DPP10: variants seen among roughly 807,000 people sequenced by gnomAD.
DPP10 encodes dipeptidyl peptidase like 10.
Under a neutral mutation model 120.9 loss-of-function variants are expected in DPP10, and 33 were observed. That is an observed-to-expected ratio of 0.27 (90% CI 0.21 to 0.37). The LOEUF (loss-of-function observed/expected upper bound fraction) is 0.37, where lower values mean the gene tolerates loss of function less well. Among genes scored for constraint, DPP10 ranks in the 10% least tolerant of loss-of-function variants. The pLI is 1.00. For missense variants in DPP10, 816 were observed against 942.8 expected, an observed-to-expected ratio of 0.87 and a Z score of 1.76; for synonymous variants, 337 against 326.1, an observed-to-expected ratio of 1.03 and a Z score of -0.36.
chr2:115,489,804 A>G (rs1179548360), intron 3 of DPP10, among the ~76,000 whole-genome samples: 2 of 152,084 alleles, frequency 1.3e-5, no homozygotes, highest in East Asian at 3.9e-4. Context: ...TAATGTAACC[A>G]GACCTTCCCT....
rs540557907 is a variant in DPP10 at position 115,777,456 on chromosome 2, A to G, written c.1313+157A>G. ...TAAAGACCTCTTCCACACTTCACAC[A>G]GAGACATCTTACACAGAGGGATGTG... On this transcript the variant is annotated intron_variant, in intron 14 of 25. Coordinates refer to ENST00000410059, the MANE Select transcript of DPP10 (RefSeq NM_020868.6). Among the ~76,000 whole-genome samples the G allele has an allele frequency of 1.4e-4, 22 of 152,220 alleles. No individual in the cohort carries two copies. In the South Asian group the frequency reaches 4.6e-3, roughly 32 times the overall value.
At chr2:114,835,692 T>C (rs1335927959) in intron 1 of DPP10, 1 of 152,166 alleles carries the variant, frequency 6.6e-6, no homozygotes, top group Non-Finnish European at 1.5e-5. Flanking sequence ...GAGCATGGGA[T>C]AATAGTAAAC....
intron 7 of DPP10, among the ~76,000 whole-genome samples, chr2:115,700,088 G>A (rs1414687021): frequency 6.6e-6 from 1 of 152,140 alleles, no homozygotes; most frequent in African/African-American, 2.4e-5. Flanking sequence ...CAGAGGAAGG[G>A]GGTGAGAGTT....
At chr2:115,840,386 C>T (rs765104190) in intron 24 of DPP10, among the ~76,000 whole-genome samples, 5 of 130,882 alleles carry the variant, frequency 3.8e-5, no homozygotes, top group Non-Finnish European at 4.6e-5. Flanking sequence ...TGTAGTGGCA[C>T]GATCTCTGCT....
At chr2:115,003,463 G>A (rs1006367169) in intron 1 of DPP10, among the ~76,000 whole-genome samples, 5 of 151,758 alleles carry the variant, frequency 3.3e-5, no homozygotes, top group Non-Finnish European at 5.9e-5. Context: ...AAACCCCCAT[G>A]ACATGCAGTT....
chr2:115,700,269 T>A (rs1189926101), intron 7 of DPP10, among the ~76,000 whole-genome samples: 2 of 152,004 alleles, frequency 1.3e-5, no homozygotes, highest in Non-Finnish European at 2.9e-5. Flanking sequence ...GAGATTTGAG[T>A]GAGGACACAG....
intron 1 of DPP10, among the ~76,000 whole-genome samples, chr2:115,073,927 A>G (rs565721868): frequency 6.6e-6 from 1 of 152,356 alleles, no homozygotes; most frequent in East Asian, 1.9e-4. Context: ...AGTGATTAAA[A>G]TCACATGAGC....
At chr2:114,774,811 G>A (rs184383984) in intron 1 of DPP10, among the ~76,000 whole-genome samples, 116 of 151,848 alleles carry the variant, frequency 7.6e-4, no homozygotes, top group African/African-American at 2.7e-3. Flanking sequence ...ATAGAGGTAA[G>A]TGAAGCATGA....
chr2:114,923,995 G>A (rs992849182), intron 1 of DPP10, among the ~76,000 whole-genome samples: 5 of 152,064 alleles, frequency 3.3e-5, no homozygotes, highest in Admixed American at 6.6e-5. Context: ...AAATGCTGGG[G>A]TTACAGGTGT....
chr2:115,311,812 C>G (rs1293175971), intron 2 of DPP10, among the ~76,000 whole-genome samples: 1 of 152,112 alleles, frequency 6.6e-6, no homozygotes, highest in Admixed American at 6.6e-5. Flanking sequence ...GTTGCTCAGG[C>G]TGGACTGCAG....
intron 21 of DPP10, among the ~76,000 whole-genome samples, chr2:115,835,145 AAGC>A (rs1689341437): frequency 6.6e-6 from 1 of 152,014 alleles, no homozygotes; most frequent in Admixed American, 6.5e-5. Context: ...AAAAAAAAAA[AAGC>A]AAGAGAAAAA....
At chr2:114,466,850 C>T (rs1679425766) in intron 1 of DPP10, among the ~76,000 whole-genome samples, 1 of 152,120 alleles carries the variant, frequency 6.6e-6, no homozygotes, top group African/African-American at 2.4e-5. Flanking sequence ...TCAAGACCAA[C>T]ATGGCCAACA....
Position 115,150,986 on chromosome 2 carries a change from G to A in DPP10, c.61-158253G>A, listed in dbSNP as rs80094737. The stretch of plus-strand genomic sequence containing the variant: ...TACACACTTTTTTTTATTTAATGGC[G>A]ATGTTCCTGTTAATTTTGTTTTCTA... On this transcript the variant is annotated intron_variant, in intron 1 of 25. Coordinates refer to ENST00000410059, the MANE Select transcript of DPP10 (RefSeq NM_020868.6). 8.6e-5 allele frequency among the ~76,000 whole-genome samples: 13 copies of A among 151,938 alleles called. No individual in the cohort carries two copies. In the East Asian group the frequency reaches 1.9e-3, roughly 23 times the overall value.
At chr2:114,446,667 A>G (rs912320036) in intron 1 of DPP10, among the ~76,000 whole-genome samples, 1 of 152,170 alleles carries the variant, frequency 6.6e-6, no homozygotes. Context: ...TACAAACTAT[A>G]CTTAAACGAA....
In DPP10 at chr2:114,574,655, A is replaced by T. The variant is rs551091303; in HGVS notation, c.60+131817A>T. ...GAAAAATGGTCTCCATAAGATAAAG[A>T]CAACTCCCCAATAGCAACCGCAACA... On this transcript the variant is annotated intron_variant, in intron 1 of 25. Coordinates refer to ENST00000410059, the MANE Select transcript of DPP10 (RefSeq NM_020868.6). Among the ~76,000 whole-genome samples, 6 of 152,334 alleles carry T rather than the reference A, an allele frequency of 3.9e-5. No homozygotes were observed. The South Asian group carries it at 1.2e-3, about 32-fold the overall frequency.
At chr2:115,534,545 A>G (rs1235985385) in intron 5 of DPP10, among the ~76,000 whole-genome samples, 1 of 152,038 alleles carries the variant, frequency 6.6e-6, no homozygotes, top group African/African-American at 2.4e-5. Context: ...AGTCTTTGCT[A>G]TTTTGAATAA....
chr2:115,404,247 C>T (rs1023296258), intron 3 of DPP10, among the ~76,000 whole-genome samples: 2 of 152,038 alleles, frequency 1.3e-5, no homozygotes, highest in Non-Finnish European at 2.9e-5. Flanking sequence ...ATGATCAAAG[C>T]AGCAGAAGTG....
intron 1 of DPP10, among the ~76,000 whole-genome samples, chr2:115,124,972 C>T (rs185573130): frequency 6.6e-6 from 1 of 152,310 alleles, no homozygotes; most frequent in East Asian, 1.9e-4. Flanking sequence ...ATCCTAACCA[C>T]TCCTTTTACA....
At chr2:114,492,729 A>T (rs544792557) in intron 1 of DPP10, among the ~76,000 whole-genome samples, 1 of 152,326 alleles carries the variant, frequency 6.6e-6, no homozygotes, top group East Asian at 1.9e-4. Flanking sequence ...TTCTTGGCTC[A>T]GTCAGCAGCA....
Sources: allele counts gnomAD v4.1 joint callset (sites outside exome capture counted in the v4.1 genomes callset), GRCh38; gene constraint gnomAD v4.1.1; transcripts MANE v1.5; gene names NCBI Gene and HGNC (gene_info 2026-07-23, HGNC 2026-07-21).